KCNK3: variants seen among roughly 807,000 people sequenced by gnomAD.
KCNK3 encodes potassium two pore domain channel subfamily K member 3.
In KCNK3, 9 loss-of-function variants were observed where a neutral mutation model predicts 27.3. The ratio of observed to expected loss-of-function variants is 0.33; its 90% confidence interval spans 0.20 to 0.57. KCNK3 has a LOEUF of 0.57. KCNK3 is among the 20% of genes least tolerant of loss of function. KCNK3 has a pLI of 0.87. For missense variants in KCNK3, 391 were observed against 577.7 expected (o/e 0.68, Z 3.31); for synonymous variants, 278 against 273.8 (o/e 1.02, Z -0.15).
Position 26,693,174 on chromosome 2 carries a change from G to C in KCNK3, c.283+16G>C. The C allele has an allele frequency of 6.9e-7, 1 of 1,448,446 alleles. No individual in the cohort carries two copies. Among genetic ancestry groups the C allele is most frequent in the Non-Finnish European group, 9.2e-7 (1 of 1,086,380 alleles). 89.7% of individuals were successfully genotyped at this position (1,448,446 alleles called of 1,614,324 possible). ...ACCACCATCGGTAACGGCTCGCCGG[G>C]CGGGGGGCGGGAACCCAGGGCTGGG... On this transcript the variant is annotated intron_variant, in intron 1 of 1. Transcript: ENST00000302909. This position sits in a 1 kb window ranked among gnomAD's most constrained non-coding sequence, Gnocchi z 5.5.
intron 1 of KCNK3, among the ~76,000 whole-genome samples, chr2:26,713,742 AC>A (rs1313171379): frequency 6.7e-6 from 1 of 149,434 alleles, no homozygotes; most frequent in Non-Finnish European, 1.5e-5. Context: ...CCAAAATCGT[AC>A]CACCAGCCTG....
intron 1 of KCNK3, among the ~76,000 whole-genome samples, chr2:26,712,742 T>C (rs1663148440): frequency 1.3e-5 from 2 of 151,902 alleles, no homozygotes; most frequent in Non-Finnish European, 2.9e-5. Context: ...GGGGACCTCA[T>C]GTCTGCAGGC....
intron 1 of KCNK3, among the ~76,000 whole-genome samples, chr2:26,695,318 C>T (rs1249203571): frequency 6.6e-6 from 1 of 152,172 alleles, no homozygotes; most frequent in African/African-American, 2.4e-5. Context: ...AACCCCTGGC[C>T]TCAAGCGATC....
rs1167464461 is a variant in KCNK3 at position 26,693,213 on chromosome 2, G to A, written c.283+55G>A. The A allele has an allele frequency of 3.9e-6, 5 of 1,294,124 alleles. No individual in the cohort carries two copies. Among genetic ancestry groups the A allele is most frequent in the Admixed American group, 2.4e-5 (1 of 41,068 alleles). The allele number at this position is 1,294,124 out of a possible 1,614,324, so 80.2% of individuals were successfully genotyped here. A position where few individuals can be genotyped will look rare whatever the true frequency, so the allele number is the denominator to read the frequency against. ...CCCAGGGCTGGGCGCGGGGCTCCGGGAGTCGTCCGGGGCCGGCTGGGGCTG... is the reference window on the plus strand; with the variant it reads ...CCCAGGGCTGGGCGCGGGGCTCCGGAAGTCGTCCGGGGCCGGCTGGGGCTG... On this transcript the variant is annotated intron_variant, in intron 1 of 1. Transcript: ENST00000302909. This position sits in a 1 kb window ranked among gnomAD's most constrained non-coding sequence, Gnocchi z 5.5.
chr2:26,705,685 G>C (rs1670363872), intron 1 of KCNK3, among the ~76,000 whole-genome samples: 1 of 152,160 alleles, frequency 6.6e-6, no homozygotes, highest in Non-Finnish European at 1.5e-5. Flanking sequence ...GCAGCATTGG[G>C]GGCAGGGGCA....
intron 1 of KCNK3, among the ~76,000 whole-genome samples, chr2:26,706,496 C>A (rs1472632426): frequency 6.6e-6 from 1 of 152,166 alleles, no homozygotes; most frequent in Non-Finnish European, 1.5e-5. Context: ...CCTTCTTCAG[C>A]ATGACTCTGA....
chr2:26,696,494 TG>T (rs1670236977), intron 1 of KCNK3, among the ~76,000 whole-genome samples: 1 of 152,198 alleles, frequency 6.6e-6, no homozygotes, highest in Admixed American at 6.5e-5. Flanking sequence ...AGGGTGCTCA[TG>T]GGCAGCCCTG....
chr2:26,714,383 C>A (rs538618627), intron 1 of KCNK3, among the ~76,000 whole-genome samples: 1 of 8,252 alleles, frequency 1.2e-4, no homozygotes, highest in African/African-American at 4.8e-4. Flanking sequence ...GACACCACCC[C>A]GCCCAGTGAG....
chr2:26,714,755 A>G (rs1215202627), intron 1 of KCNK3, among the ~76,000 whole-genome samples: 1 of 151,748 alleles, frequency 6.6e-6, no homozygotes, highest in East Asian at 2.0e-4. Context: ...GAGTGGTGGC[A>G]CACACCTGTA....
intron 1 of KCNK3, among the ~76,000 whole-genome samples, chr2:26,696,790 AC>A (rs1670240638): frequency 6.6e-6 from 1 of 151,982 alleles, no homozygotes; most frequent in Non-Finnish European, 1.5e-5. Context: ...AGCTGGTACC[AC>A]CCCCTGCTCT....
chr2:26,700,564 C>G (rs1204379481), intron 1 of KCNK3, among the ~76,000 whole-genome samples: 2 of 152,232 alleles, frequency 1.3e-5, no homozygotes, highest in Non-Finnish European at 2.9e-5. Context: ...AAAGCAAGTT[C>G]CTTACTACCC....
rs1188597842 is a variant in KCNK3, at chr2:26,727,906, G to A, written c.523G>A (p.Ala175Thr). ...FSCISTLCIG[A>T]AAFSHYEHWT... ...GTGCATCAGCACGCTGTGCATCGGC[G>A]CCGCCGCCTTCTCCCACTACGAGCA... Residue 175 changes from alanine to threonine, a missense_variant, in exon 2 of 2, where the codon GCC becomes ACC. Transcript: ENST00000302909. 3 of 1,614,228 alleles carry A rather than the reference G, an allele frequency of 1.9e-6. No homozygotes were observed. The highest frequency in any genetic ancestry group is 2.5e-6 in the Non-Finnish European group (3 of 1,180,034).
At position 26,721,235 on chromosome 2, in the gene KCNK3, C is replaced by G. The variant is rs970121092; in HGVS notation, c.284-6432C>G. 2.0e-5 allele frequency among the ~76,000 whole-genome samples: 3 copies of G among 152,058 alleles called. No individual in the cohort carries two copies. Among genetic ancestry groups the G allele is most frequent in the African/African-American group, 7.2e-5 (3 of 41,394 alleles). ...CTCTGTGGACATGAGTGCCCAAATA[C>G]AGGGTGGGGGCCTGAGAGGGGCAGA... On this transcript the variant is annotated intron_variant, in intron 1 of 1. Transcript: ENST00000302909. The surrounding 1 kb of genome is among the most constrained non-coding windows in gnomAD (Gnocchi z 4.3).
At chr2:26,703,750 G>A (rs1005046933) in intron 1 of KCNK3, among the ~76,000 whole-genome samples, 1 of 152,222 alleles carries the variant, frequency 6.6e-6, no homozygotes, top group Non-Finnish European at 1.5e-5. Context: ...GTTGCATGGT[G>A]CACATGCTAA....
At chr2:26,697,474 C>T (rs1398523211) in intron 1 of KCNK3, among the ~76,000 whole-genome samples, 2 of 152,200 alleles carry the variant, frequency 1.3e-5, no homozygotes, top group African/African-American at 4.8e-5. Context: ...CATTGCACTC[C>T]AGCCTAGGGC....
chr2:26,700,919 G>A (rs1670300346), intron 1 of KCNK3, among the ~76,000 whole-genome samples: 1 of 152,204 alleles, frequency 6.6e-6, no homozygotes, highest in Non-Finnish European at 1.5e-5. Context: ...AGGGAACTGA[G>A]GAGGCCAGCT....
intron 1 of KCNK3, among the ~76,000 whole-genome samples, chr2:26,719,190 C>T (rs11892738): frequency 0.027 from 4,054 of 152,196 alleles, 185 homozygotes; most frequent in African/African-American, 0.091. Context: ...GGTTATTTTC[C>T]GAGCAGAGAT....
rs6705741 is a variant in KCNK3 at position 26,729,387 on chromosome 2, G to A, written c.*819G>A. 6.6e-5 allele frequency: 10 copies of A among 152,300 alleles called. No individual in the cohort carries two copies. Among genetic ancestry groups the A allele is most frequent in the African/African-American group, 2.4e-4 (10 of 41,562 alleles). 9.4% of individuals were successfully genotyped at this position (152,300 alleles called of 1,614,324 possible). A position where few individuals can be genotyped will look rare whatever the true frequency, so the allele number is the denominator to read the frequency against. ...ATAATTACCCACTCTTAAATTTGTC[G>A]AGTGATTTTTAGCCTCTGAAAACTC... On this transcript the variant is annotated 3_prime_UTR_variant, in exon 2 of 2. Coordinates refer to ENST00000302909, the MANE Select transcript of KCNK3 (RefSeq NM_002246.3).
At chr2:26,697,322 T>C (rs189313878) in intron 1 of KCNK3, among the ~76,000 whole-genome samples, 2 of 152,226 alleles carry the variant, frequency 1.3e-5, no homozygotes, top group African/African-American at 2.4e-5. Context: ...CCGGACAACA[T>C]GGCAAAACCC....
Sources: allele counts gnomAD v4.1 joint callset (sites outside exome capture counted in the v4.1 genomes callset), GRCh38; gene constraint gnomAD v4.1.1; non-coding constraint Gnocchi (gnomAD v3.1); transcripts MANE v1.5; gene names NCBI Gene and HGNC (gene_info 2026-07-23, HGNC 2026-07-21).